SOX6: variants seen among roughly 807,000 people sequenced by gnomAD.
SOX6 encodes the protein SRY-box transcription factor 6, also known as transcription factor SOX-6.
Under a neutral mutation model 97.8 loss-of-function variants are expected in SOX6, and 11 were observed. The ratio of observed to expected loss-of-function variants is 0.11; its 90% confidence interval spans 0.07 to 0.19. The LOEUF (loss-of-function observed/expected upper bound fraction) is 0.19. Among genes scored for constraint, SOX6 ranks in the 10% least tolerant of loss-of-function variants. The pLI is 1.00. For missense variants in SOX6, 810 were observed against 1,039.5 expected, an observed-to-expected ratio of 0.78 and a Z score of 3.04; for synonymous variants, 360 against 371.4, an observed-to-expected ratio of 0.97 and a Z score of 0.35.
At chr11:16,326,976 C>T (rs187539585) in intron 2 of SOX6, among the ~76,000 whole-genome samples, 1 of 152,278 alleles carries the variant, frequency 6.6e-6, no homozygotes, top group East Asian at 1.9e-4. Context: ...TCTGCATGGT[C>T]TCTTCTCTAC....
At chr11:16,138,680 C>T (rs1300479061) in intron 6 of SOX6, among the ~76,000 whole-genome samples, 2 of 152,000 alleles carry the variant, frequency 1.3e-5, no homozygotes, top group Non-Finnish European at 2.9e-5. Context: ...AGGTATATCT[C>T]CTAATGCTAT....
intron 3 of SOX6, among the ~76,000 whole-genome samples, chr11:16,638,423 G>T (rs906617468): frequency 6.6e-6 from 1 of 152,030 alleles, no homozygotes; most frequent in African/African-American, 2.4e-5. Context: ...ATATACCAAA[G>T]GATTATACCC....
intron 3 of SOX6, chr11:16,312,210 G>A (rs1855623463): frequency 6.6e-6 from 1 of 152,146 alleles, no homozygotes; most frequent in African/African-American, 2.4e-5. Context: ...CTAACAAAGA[G>A]AGTTCATTTA....
At chr11:15,995,300 C>A (rs1854189748) in intron 13 of SOX6, among the ~76,000 whole-genome samples, 1 of 152,068 alleles carries the variant, frequency 6.6e-6, no homozygotes, top group Non-Finnish European at 1.5e-5. Context: ...GGAATAAATT[C>A]AATATGCCAG....
intron 3 of SOX6, among the ~76,000 whole-genome samples, chr11:16,292,267 T>C (rs1293561048): frequency 6.6e-6 from 1 of 152,150 alleles, no homozygotes; most frequent in Non-Finnish European, 1.5e-5. Flanking sequence ...CTAATTAATG[T>C]TGTTTATATA....
rs1212605205 is a variant in SOX6 at position 16,049,746 on chromosome 11, T to C, written c.1435+9A>G. 6.2e-7 allele frequency: 1 copy of C among 1,613,262 alleles called. No homozygotes were observed. Among genetic ancestry groups the C allele is most frequent in the Admixed American group, 1.7e-5 (1 of 59,966 alleles). The stretch of plus-strand genomic sequence containing the variant: ...TAAGTCTCTTCCTGGTGTTGACTTT[T>C]CCATTTACCTAAAGAGGATCCTCTT... On this transcript the variant is annotated intron_variant, in intron 11 of 15. Transcript: ENST00000683767.
intron 1 of SOX6, among the ~76,000 whole-genome samples, chr11:16,427,703 C>A (rs973261242): frequency 1.3e-5 from 2 of 152,120 alleles, no homozygotes; most frequent in Admixed American, 1.3e-4. Flanking sequence ...TGTATATGTG[C>A]CACATTTTCT....
intron 1 of SOX6, among the ~76,000 whole-genome samples, chr11:16,354,055 G>A (rs1857016273): frequency 3.3e-5 from 5 of 151,924 alleles, no homozygotes; most frequent in Admixed American, 2.6e-4. Context: ...AGGATCTATT[G>A]CCAGAAGGAA....
intron 6 of SOX6, among the ~76,000 whole-genome samples, chr11:16,123,466 G>C (rs1849540828): frequency 6.6e-6 from 1 of 151,924 alleles, no homozygotes; most frequent in Non-Finnish European, 1.5e-5. Context: ...ATGTGATTGG[G>C]GGGCAGGGAG....
chr11:16,233,003 AT>A (rs1427825812), intron 4 of SOX6, among the ~76,000 whole-genome samples: 1 of 152,202 alleles, frequency 6.6e-6, no homozygotes, highest in East Asian at 1.9e-4. Context: ...GCAATGATTT[AT>A]TAATTATTTG....
chr11:16,182,404 T>C (rs1317589036), intron 6 of SOX6, among the ~76,000 whole-genome samples: 1 of 151,800 alleles, frequency 6.6e-6, no homozygotes, highest in Non-Finnish European at 1.5e-5. Flanking sequence ...TACAGAGGGA[T>C]CTACAGAAAA....
intron 1 of SOX6, among the ~76,000 whole-genome samples, chr11:16,453,016 T>C (rs1859748257): frequency 6.6e-6 from 1 of 152,190 alleles, no homozygotes; most frequent in Admixed American, 6.5e-5. Flanking sequence ...GAGATAATTA[T>C]TCTTACGTGT....
At chr11:16,655,262 C>T (rs1847706457) in intron 3 of SOX6, among the ~76,000 whole-genome samples, 1 of 152,082 alleles carries the variant, frequency 6.6e-6, no homozygotes, top group African/African-American at 2.4e-5. Context: ...AAAGGTAAGA[C>T]ACAAGAGAAC....
At chr11:16,614,797 A>G (rs1848449714) in intron 3 of SOX6, among the ~76,000 whole-genome samples, 1 of 152,192 alleles carries the variant, frequency 6.6e-6, no homozygotes, top group Non-Finnish European at 1.5e-5. Context: ...ATGCATAGAC[A>G]TTATTTAAAT....
chr11:15,983,698 C>G (rs996233101), intron 15 of SOX6, among the ~76,000 whole-genome samples: 1 of 152,066 alleles, frequency 6.6e-6, no homozygotes, highest in African/African-American at 2.4e-5. Flanking sequence ...CAAGTATTAT[C>G]AAAGCTGGGC....
intron 3 of SOX6, among the ~76,000 whole-genome samples, chr11:16,678,735 T>C (rs180949203): frequency 1.3e-5 from 2 of 152,134 alleles, no homozygotes; most frequent in Admixed American, 1.3e-4. Flanking sequence ...GGAGGAACAA[T>C]ACACTTCTGC....
intron 3 of SOX6, among the ~76,000 whole-genome samples, chr11:16,713,975 T>C (rs547804786): frequency 6.6e-6 from 1 of 152,302 alleles, no homozygotes; most frequent in Admixed American, 6.5e-5. Context: ...TGTTTTTTAA[T>C]TGCCATAATA....
intron 1 of SOX6, among the ~76,000 whole-genome samples, chr11:16,412,381 T>A (rs1858838232): frequency 6.6e-6 from 1 of 152,200 alleles, no homozygotes; most frequent in African/African-American, 2.4e-5. Flanking sequence ...GCATCCACCA[T>A]AACAGTTGTG....
At chr11:16,187,614 G>A (rs186448608) in intron 4 of SOX6, among the ~76,000 whole-genome samples, 63 of 152,164 alleles carry the variant, frequency 4.1e-4, no homozygotes, top group Middle Eastern at 3.4e-3. Flanking sequence ...TGTTGCTTGG[G>A]GGGCTCTATC....
Sources: allele counts gnomAD v4.1 joint callset (sites outside exome capture counted in the v4.1 genomes callset), GRCh38; gene constraint gnomAD v4.1.1; transcripts MANE v1.5; gene names NCBI Gene and HGNC (gene_info 2026-07-23, HGNC 2026-07-21).